SPDYE10: variants seen among roughly 807,000 people sequenced by gnomAD.
The protein encoded by SPDYE10 is speedy/RINGO cell cycle regulator family member E10.
At chr7:73,123,788 C>CCTCTCTCCCTCTCTCTCT in the SPDYE10 span, among the ~76,000 whole-genome samples, 23 of 97,436 alleles carry the variant, frequency 2.4e-4, no homozygotes, top group African/African-American at 1.1e-3. Context: ...TCTCTCTCTC[C>CCTCTCTCCCTCTCTCTCT]CTCTCTCTCT....
At chr7:73,130,417 C>A in the SPDYE10 span, among the ~76,000 whole-genome samples, 2 of 151,592 alleles carry the variant, frequency 1.3e-5, no homozygotes, top group East Asian at 1.9e-4. Context: ...AGATAAAATT[C>A]TTTAATTTTT....
chr7:73,135,151 G>A, the SPDYE10 span, among the ~76,000 whole-genome samples: 1 of 152,188 alleles, frequency 6.6e-6, no homozygotes, highest in Non-Finnish European at 1.5e-5. Context: ...GGAGACCCAA[G>A]GAAAGCTGGG....
the SPDYE10 span, among the ~76,000 whole-genome samples, chr7:73,127,559 A>C: frequency 1.6e-5 from 1 of 62,972 alleles, no homozygotes; most frequent in African/African-American, 5.4e-5. Context: ...AAGAAGGAAA[A>C]AAGAGAAGAG....
At chr7:73,131,266 A>C in the SPDYE10 span, among the ~76,000 whole-genome samples, 10 of 144,370 alleles carry the variant, frequency 6.9e-5, no homozygotes, top group African/African-American at 2.4e-4. Context: ...GGAGCAAGCA[A>C]TGGAGAAATG....
chr7:73,113,732 A>G, the SPDYE10 span, among the ~76,000 whole-genome samples: 2 of 152,230 alleles, frequency 1.3e-5, no homozygotes, highest in South Asian at 2.1e-4. Flanking sequence ...CATCTCTACT[A>G]AAAATACAAA....
chr7:73,145,168 TTCTC>T, the SPDYE10 span, among the ~76,000 whole-genome samples: 17 of 143,416 alleles, frequency 1.2e-4, no homozygotes, highest in South Asian at 2.2e-4. Flanking sequence ...TTCTTTCTCT[TTCTC>T]TCTCTCTTTC....
At chr7:73,115,097 T>C in the SPDYE10 span, among the ~76,000 whole-genome samples, 1 of 151,710 alleles carries the variant, frequency 6.6e-6, no homozygotes, top group Non-Finnish European at 1.5e-5. Context: ...GGTTTCACCA[T>C]GTTGACCAAG....
At chr7:73,113,758 A>T in the SPDYE10 span, among the ~76,000 whole-genome samples, 4 of 152,144 alleles carry the variant, frequency 2.6e-5, no homozygotes, top group East Asian at 5.8e-4. Context: ...AGACGGGGCC[A>T]GGTGCCATGG....
the SPDYE10 span, among the ~76,000 whole-genome samples, chr7:73,125,185 CCT>C: frequency 7.0e-6 from 1 of 143,676 alleles, no homozygotes; most frequent in African/African-American, 2.8e-5. Flanking sequence ...CTGCATCCCT[CCT>C]CTCTCTCCAT....
the SPDYE10 span, among the ~76,000 whole-genome samples, chr7:73,120,851 G>A: frequency 6.7e-6 from 1 of 150,210 alleles, no homozygotes. Flanking sequence ...TTTTTTTTGA[G>A]ACAGAGTTTC....
the SPDYE10 span, among the ~76,000 whole-genome samples, chr7:73,123,193 C>T: frequency 2.6e-5 from 4 of 152,236 alleles, no homozygotes; most frequent in East Asian, 1.9e-4. Flanking sequence ...GTGAGACATT[C>T]GGTCATGAGC....
the SPDYE10 span, among the ~76,000 whole-genome samples, chr7:73,137,593 TGAAAGAAAGAAA>T: frequency 0.033 from 2,338 of 70,430 alleles, 6 homozygotes; most frequent in African/African-American, 0.071. Context: ...AAAGAAGAGA[TGAAAGAAAGAAA>T]GAAAGAAAGA....
chr7:73,136,951 AT>A, the SPDYE10 span, among the ~76,000 whole-genome samples: 2 of 109,340 alleles, frequency 1.8e-5, no homozygotes, highest in African/African-American at 4.5e-5. Context: ...CTCAAGTTTC[AT>A]TTTGGAACGG....
At chr7:73,135,084 C>G in the SPDYE10 span, among the ~76,000 whole-genome samples, 1 of 152,288 alleles carries the variant, frequency 6.6e-6, no homozygotes, top group Non-Finnish European at 1.5e-5. Context: ...CCTCACTGAT[C>G]TGACTCATAG....
the SPDYE10 span, among the ~76,000 whole-genome samples, chr7:73,123,637 T>C: frequency 6.6e-6 from 1 of 152,144 alleles, no homozygotes; most frequent in Admixed American, 6.5e-5. Flanking sequence ...TTTATGTTTT[T>C]AGTAGAGAGG....
the SPDYE10 span, among the ~76,000 whole-genome samples, chr7:73,137,847 G>C: frequency 1.2e-5 from 1 of 80,680 alleles, no homozygotes; most frequent in Admixed American, 1.3e-4. Context: ...AGGGGAAGGA[G>C]AGGAGAAGGG....
At chr7:73,130,162 A>G in the SPDYE10 span, among the ~76,000 whole-genome samples, 63 of 149,974 alleles carry the variant, frequency 4.2e-4, no homozygotes, top group Non-Finnish European at 4.3e-4. Context: ...ATTTGTTGAC[A>G]TGACTACCAT....
At chr7:73,113,638 A>G in the SPDYE10 span, among the ~76,000 whole-genome samples, 8 of 151,722 alleles carry the variant, frequency 5.3e-5, no homozygotes, top group African/African-American at 1.9e-4. Context: ...TCACGCCTGT[A>G]ATCCCAGCGC....
chr7:73,141,257 T>C, the SPDYE10 span, among the ~76,000 whole-genome samples: 3 of 152,260 alleles, frequency 2.0e-5, no homozygotes, highest in South Asian at 2.1e-4. Context: ...GTGTGATGGC[T>C]CCTACCAGTA....
Sources: gnomAD v4.1 joint callset for allele counts (sites outside exome capture counted in the v4.1 genomes callset) on GRCh38, gnomAD v4.1.1 for gene constraint, MANE v1.5 for transcripts, NCBI Gene and HGNC (gene_info 2026-07-23, HGNC 2026-07-21) for gene names.